The following SLC25A46 variants were observed in gnomAD, a reference collection of about 807,000 sequenced individuals.
SLC25A46 encodes the protein solute carrier family 25 member 46.
Under a neutral mutation model 44.6 loss-of-function variants are expected in SLC25A46, and 39 were observed. The observed-to-expected ratio is 0.87, with a 90% confidence interval of 0.68 to 1.14. SLC25A46 has a LOEUF of 1.14. SLC25A46 is among the 50% of genes most tolerant of loss of function. The pLI is 0.00. For missense variants in SLC25A46, 547 were observed against 522.7 expected (o/e 1.05, Z -0.45); for synonymous variants, 202 against 185.8 (o/e 1.09, Z -0.71).
chr5:110,739,070 C>T lies in SLC25A46; in HGVS notation c.-50C>T. The T allele has an allele frequency of 6.5e-7, 1 of 1,530,490 alleles. No homozygotes were observed. Among genetic ancestry groups the T allele is most frequent in the East Asian group, 2.5e-5 (1 of 40,582 alleles). 94.8% of individuals were successfully genotyped at this position (1,530,490 alleles called of 1,614,324 possible). On this transcript the variant is annotated 5_prime_UTR_variant, in exon 1 of 8. Coordinates refer to ENST00000355943, the MANE Select transcript of SLC25A46 (RefSeq NM_138773.4). The stretch of plus-strand genomic sequence containing the variant: ...TGTGTGTGCTTAGGTCGTGGTGGCC[C>T]CGGTGGTGGTGGGCTCCGGGCGGGC...
chr5:110,741,366 C>T lies in SLC25A46; in HGVS notation c.284-681C>T, dbSNP rs560965796. ...CAGTAACCTACTCCAATTAATTAAA[C>T]AGCTAGCCTCAAACTATTTAAAACT... is the stretch of plus-strand genomic sequence containing the variant. On this transcript the variant is annotated intron_variant, in intron 1 of 7. Coordinates refer to ENST00000355943, the MANE Select transcript of SLC25A46 (RefSeq NM_138773.4). Among the ~76,000 whole-genome samples, 9 of 152,326 alleles carry T rather than the reference C, an allele frequency of 5.9e-5. No individual in the cohort carries two copies. The South Asian group carries it at 1.9e-3, about 32-fold the overall frequency.
chr5:110,739,288 T>A lies in SLC25A46; in HGVS notation c.169T>A (p.Trp57Arg), dbSNP rs761045034. Residue 57 changes from tryptophan (W) to arginine (R), a missense_variant, in exon 1 of 8, where the codon TGG becomes AGG. Coordinates refer to ENST00000355943, the MANE Select transcript of SLC25A46 (RefSeq NM_138773.4). Reference protein sequence around the residue: ...PDIPGSRNLHWGEKSPPYGVP... With the variant: ...PDIPGSRNLHRGEKSPPYGVP... ...TATCCCCGGCAGCCGCAACCTGCACTGGGGCGAGAAGAGCCCGCCCTACGG... is the reference window on the plus strand; with the variant it reads ...TATCCCCGGCAGCCGCAACCTGCACAGGGGCGAGAAGAGCCCGCCCTACGG... The A allele has an allele frequency of 1.3e-6, 2 of 1,574,772 alleles. No individual in the cohort carries two copies. The highest frequency in any genetic ancestry group is 2.3e-5 in the East Asian group (1 of 43,112).
intron 5 of SLC25A46, among the ~76,000 whole-genome samples, chr5:110,749,766 G>A (rs192349162): frequency 6.6e-6 from 1 of 152,160 alleles, no homozygotes; most frequent in Non-Finnish European, 1.5e-5. Context: ...AAAAGCATGA[G>A]AGGAATGATA....
rs560033851 is a variant in SLC25A46 at position 110,739,038 on chromosome 5, G to A, written c.-82G>A. 1.7e-5 allele frequency: 25 copies of A among 1,479,438 alleles called. No homozygotes were observed. In the African/African-American group the frequency reaches 3.5e-4, roughly 20 times the overall value. The allele number at this position is 1,479,438 out of a possible 1,614,324, so 91.6% of individuals were successfully genotyped here. On this transcript the variant is annotated 5_prime_UTR_variant, in exon 1 of 8. Coordinates refer to ENST00000355943, the MANE Select transcript of SLC25A46 (RefSeq NM_138773.4). ...TACCCCTGACGCGGCGGCGGCCGAC[G>A]GGAAGCTGTGTGTGCTTAGGTCGTG...
At position 110,757,017 on chromosome 5, in the gene SLC25A46, G is replaced by A. The variant is rs544750742; in HGVS notation, c.678+258G>A. 8 of 299,638 alleles carry A rather than the reference G, an allele frequency of 2.7e-5. No homozygotes were observed. The South Asian group carries it at 1.1e-3, about 41-fold the overall frequency. 18.6% of individuals were successfully genotyped at this position (299,638 alleles called of 1,614,324 possible). On this transcript the variant is annotated intron_variant, in intron 7 of 7. Transcript: ENST00000355943. ...CTTCATTTAGACATCTCAGAACACA[G>A]CCTATAACTTGCTCTGAAAACAAAG...
chr5:110,739,349 C>T lies in SLC25A46; in HGVS notation c.230C>T (p.Thr77Met), dbSNP rs968966762. The T allele has an allele frequency of 3.2e-6, 5 of 1,562,434 alleles. No individual in the cohort carries two copies. Among genetic ancestry groups the T allele is most frequent in the Non-Finnish European group, 4.3e-6 (5 of 1,155,174 alleles). Residue 77 changes from threonine (T) to methionine (M), a missense_variant, in exon 1 of 8, where the codon ACG (threonine) becomes ATG (methionine). Thr to Met is a moderately conservative substitution (Grantham distance 81). Coordinates refer to ENST00000355943, the MANE Select transcript of SLC25A46 (RefSeq NM_138773.4). ...PTTSTPYEGP[T>M]EEPFSSGGGG... ...ACCTCCACCCCGTACGAAGGCCCCA[C>T]GGAGGAACCCTTTTCCAGTGGCGGC...
At chr5:110,749,556 G>T (rs893576924) in intron 5 of SLC25A46, among the ~76,000 whole-genome samples, 12 of 151,818 alleles carry the variant, frequency 7.9e-5, no homozygotes, top group African/African-American at 2.9e-4. Context: ...ATTAGAGAGG[G>T]CCTCAGACAA....
In SLC25A46 at chr5:110,739,131, G is replaced by A. The variant is rs1443851670; in HGVS notation, c.12G>A (p.Arg4=). The A allele has an allele frequency of 1.1e-5, 17 of 1,547,796 alleles. No homozygotes were observed. Among genetic ancestry groups the A allele is most frequent in the Non-Finnish European group, 1.4e-5 (16 of 1,146,686 alleles). MHP[R]RPDGFDGLGY... ...CTGCCCCCGCTGCGATGCATCCGCGGCGCCCGGACGGATTTGATGGCTTGG... is the reference window on the plus strand; with the variant it reads ...CTGCCCCCGCTGCGATGCATCCGCGACGCCCGGACGGATTTGATGGCTTGG... The change falls in exon 1 of 8, where the codon CGG becomes CGA. Residue 4 remains arginine, a synonymous_variant. Transcript: ENST00000355943.
At position 110,761,775 on chromosome 5, in the gene SLC25A46, A is replaced by G. The variant is rs908180041; in HGVS notation, c.1250A>G (p.Asn417Ser). ...ATTTACTCTACACTTCTTCAAAATA[A>G]CATTTGAGATTTAGGTTCCTTCACT... ...KIIYSTLLQN[N>S]I is the part of the protein sequence containing the mutation. The change falls in exon 8 of 8, where the codon AAC becomes AGC. Residue 417 changes from asparagine (N) to serine (S), a missense_variant. Asn to Ser is a conservative substitution (Grantham distance 46). Transcript: ENST00000355943. This position sits in a 1 kb window ranked among gnomAD's most constrained non-coding sequence, Gnocchi z 5.3. 27 of 1,605,504 alleles carry G rather than the reference A, an allele frequency of 1.7e-5. No homozygotes were observed. The highest frequency in any genetic ancestry group is 2.3e-5 in the Non-Finnish European group (27 of 1,175,978).
At chr5:110,749,241 T>A (rs1471803620) in intron 5 of SLC25A46, among the ~76,000 whole-genome samples, 1 of 151,980 alleles carries the variant, frequency 6.6e-6, no homozygotes, top group Non-Finnish European at 1.5e-5. Flanking sequence ...GATAAAGAAT[T>A]TATCTTTCAA....
In SLC25A46 at chr5:110,739,231, G is replaced by T; in HGVS notation, c.112G>T (p.Asp38Tyr). 1 of 1,578,440 alleles carries T rather than the reference G, an allele frequency of 6.3e-7. No homozygotes were observed. The highest frequency in any genetic ancestry group is 1.2e-5 in the South Asian group (1 of 86,260). ...TGCAAGGTCCTTCAGCACCGGGTCG[G>T]ACCTGGGCCACTGGGTGACGACTCC... ...FPARSFSTGS[D>Y]LGHWVTTPPD... Residue 38 changes from aspartate (D) to tyrosine (Y), a missense_variant, in exon 1 of 8, where the codon GAC (aspartate) becomes TAC (tyrosine). Asp to Tyr is a radical substitution (Grantham distance 160, BLOSUM62 -3). Transcript: ENST00000355943.
chr5:110,754,440 A>G (rs1196986642), intron 5 of SLC25A46: 2 of 94,220 alleles, frequency 2.1e-5, no homozygotes, highest in Non-Finnish European at 4.5e-5. Context: ...CTCTTTTTGG[A>G]CTTTTCTCTT....
At chr5:110,738,319 G>GA (rs1164300269), upstream of SLC25A46, 1 of 1,164,010 alleles carries the variant, frequency 8.6e-7, no homozygotes, top group African/African-American at 1.6e-5. Context: ...CGATATAACT[G>GA]GGATTTCAAT....
upstream of SLC25A46, chr5:110,738,391 C>A: frequency 1.9e-6 from 1 of 526,166 alleles, no homozygotes; most frequent in Non-Finnish European, 2.6e-6. Flanking sequence ...TTCTTTACAG[C>A]CTTAGAAAAG....
chr5:110,738,243 A>C (rs1412713369), upstream of SLC25A46: 1 of 1,286,938 alleles, frequency 7.8e-7, no homozygotes, highest in Non-Finnish European at 1.0e-6. Flanking sequence ...AGCTAATGAA[A>C]ACAGGTAGTA....
chr5:110,746,450 T>C (rs1799822962), intron 4 of SLC25A46, 104 bp downstream of exon 4: 1 of 725,938 alleles, frequency 1.4e-6, no homozygotes, highest in Admixed American at 2.9e-5. Flanking sequence ...CAATAAAACA[T>C]CTTAACTGTT....
chr5:110,755,521 C>G lies in SLC25A46; in HGVS notation c.620C>G (p.Ser207Cys). The stretch of plus-strand genomic sequence containing the variant: ...ATAGGAGAACACCTTCTACTGAAAT[C>G]GTAAGTATCAAAAAATGGCATTTTT... ...KQIGEHLLLKSLTYVVAMPFY... is the reference protein window; with the variant it reads ...KQIGEHLLLKCLTYVVAMPFY... The change falls in exon 6 of 8, where the codon TCC becomes TGC. Residue 207 changes from serine (S) to cysteine (C), a missense_variant and splice_region_variant. By Grantham distance (112) the Ser-to-Cys change is moderately radical. Transcript: ENST00000355943. The G allele has an allele frequency of 6.4e-7, 1 of 1,565,236 alleles. No homozygotes were observed. The highest frequency in any genetic ancestry group is 8.7e-7 in the Non-Finnish European group (1 of 1,155,122).
At chr5:110,738,311 A>C (rs1485725519), upstream of SLC25A46, 1 of 1,204,320 alleles carries the variant, frequency 8.3e-7, no homozygotes, top group African/African-American at 1.6e-5. Flanking sequence ...ATTTTGAACG[A>C]TATAACTGGG....
intron 1 of SLC25A46, 31 bp from the exon 2 acceptor site, chr5:110,742,016 A>AT (rs757943359): frequency 3.0e-5 from 44 of 1,447,268 alleles, no homozygotes; most frequent in Non-Finnish European, 4.0e-5. Context: ...CAGTAATCTT[A>AT]TTTTTTTATT....
Sources: allele counts gnomAD v4.1 joint callset (sites outside exome capture counted in the v4.1 genomes callset), GRCh38; gene constraint gnomAD v4.1.1; non-coding constraint Gnocchi (gnomAD v3.1); transcripts MANE v1.5; gene names NCBI Gene and HGNC (gene_info 2026-07-23, HGNC 2026-07-21).